Variants in DRC10 observed in about 807,000 individuals in gnomAD.
DRC10 encodes IQ domain-containing protein D.
the DRC10 span, among the ~76,000 whole-genome samples, chr12:113,209,770 T>C: frequency 6.6e-6 from 1 of 152,242 alleles, no homozygotes; most frequent in Non-Finnish European, 1.5e-5. Flanking sequence ...GGGAACTCTC[T>C]GTACTATCTT....
At chr12:113,195,733 C>G in the DRC10 span, 1 of 1,613,962 alleles carries the variant, frequency 6.2e-7, no homozygotes, top group Non-Finnish European at 8.5e-7. Flanking sequence ...ACCATGCGCA[C>G]CATCTCCTGC....
the DRC10 span, chr12:113,208,394 G>A: frequency 7.5e-7 from 1 of 1,331,738 alleles, no homozygotes; most frequent in Non-Finnish European, 9.6e-7. Context: ...ACCTTTCACT[G>A]GAAGCAGTTT....
chr12:113,207,071 T>G, the DRC10 span: 1 of 354,798 alleles, frequency 2.8e-6, no homozygotes, highest in Non-Finnish European at 5.4e-6. Context: ...AAAAAATCAG[T>G]CAATCAATTG....
chr12:113,201,869 C>T, the DRC10 span, among the ~76,000 whole-genome samples: 3 of 152,220 alleles, frequency 2.0e-5, no homozygotes, highest in South Asian at 2.1e-4. Flanking sequence ...AGGCACCAGG[C>T]GCTGGGAATA....
At chr12:113,220,503 C>T in the DRC10 span, among the ~76,000 whole-genome samples, 2 of 152,164 alleles carry the variant, frequency 1.3e-5, no homozygotes, top group African/African-American at 4.8e-5. Context: ...ATCTGCCCGC[C>T]TCGGCCTCCC....
chr12:113,198,892 A>G, the DRC10 span, among the ~76,000 whole-genome samples: 3 of 152,044 alleles, frequency 2.0e-5, no homozygotes. Flanking sequence ...CAAGTTCTAG[A>G]TCAGCCTGGG....
the DRC10 span, among the ~76,000 whole-genome samples, chr12:113,214,392 A>G: frequency 6.6e-6 from 1 of 151,486 alleles, no homozygotes; most frequent in Non-Finnish European, 1.5e-5. Flanking sequence ...TGTAATCCCA[A>G]CTACTTGGGA....
At chr12:113,198,148 C>T in the DRC10 span, among the ~76,000 whole-genome samples, 264 of 152,180 alleles carry the variant, frequency 1.7e-3, 4 homozygotes, top group African/African-American at 6.0e-3. Flanking sequence ...ACCCAGGAGG[C>T]AGAGTTTGCA....
chr12:113,208,428 C>T, the DRC10 span: 7 of 1,167,838 alleles, frequency 6.0e-6, no homozygotes, highest in South Asian at 1.5e-4. Flanking sequence ...GGTGTTAGGG[C>T]CACAAGGGCA....
chr12:113,214,780 G>C, the DRC10 span, among the ~76,000 whole-genome samples: 2 of 152,062 alleles, frequency 1.3e-5, no homozygotes, highest in African/African-American at 4.8e-5. Context: ...TTAAACAAAA[G>C]TTTTAAATGT....
chr12:113,195,800 C>T, the DRC10 span: 29 of 1,613,844 alleles, frequency 1.8e-5, no homozygotes, highest in Non-Finnish European at 2.1e-5. Context: ...TCTGCGCAAA[C>T]TCTCCCACCA....
the DRC10 span, chr12:113,207,370 G>A: frequency 7.3e-7 from 1 of 1,361,712 alleles, no homozygotes; most frequent in Non-Finnish European, 1.0e-6. Context: ...AATCATTGAG[G>A]AAAAACCCAA....
chr12:113,205,794 C>G, the DRC10 span, among the ~76,000 whole-genome samples: 1 of 147,350 alleles, frequency 6.8e-6, no homozygotes, highest in South Asian at 2.1e-4. Flanking sequence ...GAGGCTGAGG[C>G]AGGAGAATGG....
the DRC10 span, among the ~76,000 whole-genome samples, chr12:113,220,738 T>C: frequency 6.6e-6 from 1 of 152,160 alleles, no homozygotes; most frequent in Admixed American, 6.5e-5. Context: ...ATGACTCTGC[T>C]TGACTGTTGT....
chr12:113,209,955 G>A, the DRC10 span, among the ~76,000 whole-genome samples: 23 of 152,074 alleles, frequency 1.5e-4, no homozygotes, highest in African/African-American at 5.3e-4. Context: ...GCGAAACCCC[G>A]TCTCTAATAA....
chr12:113,202,977 CTG>C, the DRC10 span: 2 of 444,466 alleles, frequency 4.5e-6, no homozygotes, highest in South Asian at 3.2e-5. Context: ...ACTAAATACA[CTG>C]TATGTGTGCA....
At chr12:113,200,776 T>C in the DRC10 span, 18 of 1,534,508 alleles carry the variant, frequency 1.2e-5, no homozygotes, top group East Asian at 3.7e-4. Flanking sequence ...GTGCAGGTGG[T>C]TTTTCAGTTC....
the DRC10 span, among the ~76,000 whole-genome samples, chr12:113,198,166 G>A: frequency 6.6e-6 from 1 of 152,118 alleles, no homozygotes; most frequent in Non-Finnish European, 1.5e-5. Context: ...GCAGTGAGCT[G>A]AGATCATGCC....
chr12:113,203,034 C>CTTT, the DRC10 span: 1 of 381,812 alleles, frequency 2.6e-6, no homozygotes, highest in Non-Finnish European at 5.3e-6. Context: ...TACTGTTTCC[C>CTTT]TTTTTTTTTT....
Sources: allele counts gnomAD v4.1 joint callset (sites outside exome capture counted in the v4.1 genomes callset), GRCh38; gene constraint gnomAD v4.1.1; transcripts MANE v1.5; gene names NCBI Gene and HGNC (gene_info 2026-07-23, HGNC 2026-07-21).